The following ABLIM1 variants were observed in gnomAD, a reference collection of about 807,000 sequenced individuals.
ABLIM1 encodes the protein actin-binding LIM protein 1.
Under a neutral mutation model 107.0 loss-of-function variants are expected in ABLIM1, and 40 were observed. That is an observed-to-expected ratio of 0.37 (90% CI 0.29 to 0.49). The LOEUF is 0.49. Among genes scored for constraint, ABLIM1 ranks in the 20% least tolerant of loss-of-function variants. ABLIM1 has a pLI of 0.97. For synonymous variants in ABLIM1, 357 were observed against 357.3 expected (o/e 1.00, Z 0.01); for missense variants, 857 against 1,008.5 (o/e 0.85, Z 2.04).
intron 6 of ABLIM1, among the ~76,000 whole-genome samples, chr10:114,498,996 T>C (rs965239274): frequency 6.6e-6 from 1 of 152,208 alleles, no homozygotes; most frequent in African/African-American, 2.4e-5. Flanking sequence ...GGTAGGTCGG[T>C]GCTATTTTCC....
chr10:114,740,296 G>A (rs139576270), intron 1 of ABLIM1, among the ~76,000 whole-genome samples: 66 of 152,190 alleles, frequency 4.3e-4, no homozygotes, highest in African/African-American at 1.4e-3. Flanking sequence ...TTTCCTACTC[G>A]TAGCATATGC....
At chr10:114,604,452 G>A (rs1475891563) in intron 1 of ABLIM1, among the ~76,000 whole-genome samples, 1 of 152,216 alleles carries the variant, frequency 6.6e-6, no homozygotes, top group Non-Finnish European at 1.5e-5. Context: ...TTTGATAACT[G>A]AGCATGGCAC....
chr10:114,705,265 T>G (rs1220311696), intron 1 of ABLIM1, among the ~76,000 whole-genome samples: 1 of 152,182 alleles, frequency 6.6e-6, no homozygotes, highest in Admixed American at 6.5e-5. Flanking sequence ...CCAACCAGTG[T>G]GAGGCATATT....
intron 12 of ABLIM1, among the ~76,000 whole-genome samples, chr10:114,456,246 G>A (rs947985184): frequency 2.0e-5 from 3 of 152,148 alleles, no homozygotes; most frequent in African/African-American, 4.8e-5. Flanking sequence ...CAGTTTCCAA[G>A]TAAATGATGA....
chr10:114,746,827 T>C (rs1046912579), intron 1 of ABLIM1, among the ~76,000 whole-genome samples: 1 of 152,242 alleles, frequency 6.6e-6, no homozygotes, highest in Non-Finnish European at 1.5e-5. Context: ...GCATTTTGCA[T>C]CTGTTAGTCA....
chr10:114,486,897 C>T (rs1273110855), intron 8 of ABLIM1, among the ~76,000 whole-genome samples: 1 of 152,140 alleles, frequency 6.6e-6, no homozygotes, highest in African/African-American at 2.4e-5. Flanking sequence ...AAAATATCTC[C>T]TGTGCATACG....
At chr10:114,664,397 T>C (rs920730473) in intron 1 of ABLIM1, among the ~76,000 whole-genome samples, 1 of 152,188 alleles carries the variant, frequency 6.6e-6, no homozygotes, top group Admixed American at 6.6e-5. Flanking sequence ...CTAACTACAG[T>C]GCAACTTGGT....
chr10:114,745,432 G>A (rs2082364240), intron 1 of ABLIM1, among the ~76,000 whole-genome samples: 2 of 151,870 alleles, frequency 1.3e-5, no homozygotes, highest in South Asian at 2.1e-4. Flanking sequence ...ATGGTGGCAT[G>A]TGCCTGTAAT....
chr10:114,481,352 T>G (rs2057340681), intron 8 of ABLIM1, among the ~76,000 whole-genome samples: 1 of 151,066 alleles, frequency 6.6e-6, no homozygotes, highest in Middle Eastern at 3.2e-3. Flanking sequence ...TCCAAAGCCA[T>G]GCTCTAAGGA....
chr10:114,493,396 A>G (rs1381499035), intron 6 of ABLIM1, among the ~76,000 whole-genome samples: 1 of 152,230 alleles, frequency 6.6e-6, no homozygotes, highest in Admixed American at 6.5e-5. Context: ...AGCTACAAAT[A>G]GAAAGAAATG....
chr10:114,486,710 GTT>G (rs71849997), intron 8 of ABLIM1, among the ~76,000 whole-genome samples: 1 of 151,012 alleles, frequency 6.6e-6, no homozygotes. Context: ...GAGAAAAAGT[GTT>G]TTTTTTTCCC....
intron 6 of ABLIM1, among the ~76,000 whole-genome samples, chr10:114,540,979 T>C (rs2066583975): frequency 6.6e-6 from 1 of 151,938 alleles, no homozygotes; most frequent in African/African-American, 2.4e-5. Flanking sequence ...GATGGTGAGG[T>C]CATCTTGGAT....
intron 1 of ABLIM1, among the ~76,000 whole-genome samples, chr10:114,762,286 G>C (rs2082765768): frequency 6.6e-6 from 1 of 152,116 alleles, no homozygotes; most frequent in African/African-American, 2.4e-5. Flanking sequence ...ACCTGCCTCA[G>C]ACTCCCAAAG....
At chr10:114,647,994 A>G (rs910570241) in intron 1 of ABLIM1, among the ~76,000 whole-genome samples, 2 of 152,030 alleles carry the variant, frequency 1.3e-5, no homozygotes, top group Non-Finnish European at 1.5e-5. Context: ...TAGAATGTAC[A>G]TATAGGATTT....
chr10:114,458,365 T>A lies in ABLIM1; in HGVS notation c.1442-4882A>T, dbSNP rs1224009307. On this transcript the variant is annotated intron_variant, in intron 12 of 22. Transcript: ENST00000533213. ...TTCACTCACAGGACTCTCACTGTACTTAACACATTTAAATGCCCATCTCCA... is the reference window on the plus strand; with the variant it reads ...TTCACTCACAGGACTCTCACTGTACATAACACATTTAAATGCCCATCTCCA... 2.0e-5 allele frequency among the ~76,000 whole-genome samples: 3 copies of A among 152,160 alleles called. No homozygotes were observed. In the East Asian group the frequency reaches 5.8e-4, roughly 29 times the overall value.
chr10:114,632,184 C>T (rs1375453619), intron 1 of ABLIM1: 4 of 985,280 alleles, frequency 4.1e-6, no homozygotes, highest in Non-Finnish European at 4.8e-6. Flanking sequence ...CTCTGCCCTG[C>T]GGCTGAAACC....
At chr10:114,488,133 T>C (rs1204278457) in intron 7 of ABLIM1, 117 bp from the exon 8 acceptor site, 3 of 1,083,332 alleles carry the variant, frequency 2.8e-6, no homozygotes, top group Non-Finnish European at 4.3e-6. Flanking sequence ...GAAGGTGTTA[T>C]TGCTTTATGT....
At chr10:114,605,078 C>A (rs2076315748) in intron 1 of ABLIM1, among the ~76,000 whole-genome samples, 1 of 152,162 alleles carries the variant, frequency 6.6e-6, no homozygotes, top group African/African-American at 2.4e-5. Context: ...CTTGCCTTTC[C>A]TTCACACAAC....
At chr10:114,612,336 G>T (rs931027537) in intron 1 of ABLIM1, among the ~76,000 whole-genome samples, 1 of 152,086 alleles carries the variant, frequency 6.6e-6, no homozygotes, top group African/African-American at 2.4e-5. Flanking sequence ...CTCCACCATG[G>T]GATAATGCAA....
Sources: gnomAD v4.1 joint callset for allele counts (sites outside exome capture counted in the v4.1 genomes callset) on GRCh38, gnomAD v4.1.1 for gene constraint, MANE v1.5 for transcripts, NCBI Gene and HGNC (gene_info 2026-07-23, HGNC 2026-07-21) for gene names.